The following MAST2 variants were observed in gnomAD, a reference collection of about 807,000 sequenced individuals.
MAST2 encodes microtubule associated serine/threonine kinase 2, also known as microtubule-associated serine/threonine-protein kinase 2.
Under a neutral mutation model 147.4 loss-of-function variants are expected in MAST2, and 70 were observed. That is an observed-to-expected ratio of 0.47 (90% CI 0.39 to 0.58). The LOEUF (loss-of-function observed/expected upper bound fraction) is 0.58, where lower values mean the gene tolerates loss of function less well. Ranked by LOEUF, MAST2 falls within the 20% of genes least tolerant of loss-of-function variation. The pLI is 0.00. For synonymous variants in MAST2, 869 were observed against 896.8 expected, an observed-to-expected ratio of 0.97 and a Z score of 0.55; for missense variants, 2,080 against 2,302.3, an observed-to-expected ratio of 0.90 and a Z score of 1.98.
chr1:45,840,544 C>A (rs184668767), intron 3 of MAST2, among the ~76,000 whole-genome samples: 2 of 152,226 alleles, frequency 1.3e-5, no homozygotes, highest in East Asian at 1.9e-4. Flanking sequence ...TCTTTAAAAT[C>A]AAAATAATAT....
chr1:45,814,279 C>T (rs1000430774), intron 1 of MAST2, among the ~76,000 whole-genome samples: 1 of 151,966 alleles, frequency 6.6e-6, no homozygotes, highest in Non-Finnish European at 1.5e-5. Context: ...CCAGGGAAGG[C>T]ATTGTTACCA....
intron 4 of MAST2, among the ~76,000 whole-genome samples, chr1:45,904,842 C>T (rs888203582): frequency 7.2e-5 from 11 of 151,826 alleles, no homozygotes; most frequent in Non-Finnish European, 4.4e-5. Flanking sequence ...AGGCCTTGCT[C>T]TGTTGCCCAG....
At chr1:45,956,672 AGT>A (rs1441419115) in intron 4 of MAST2, among the ~76,000 whole-genome samples, 1 of 152,246 alleles carries the variant, frequency 6.6e-6, no homozygotes, top group African/African-American at 2.4e-5. Context: ...CTTGCAAATC[AGT>A]GAGTCCTGTT....
intron 5 of MAST2, 90 bp downstream of exon 5, chr1:45,959,567 A>G (rs1660113848): frequency 9.5e-7 from 1 of 1,050,300 alleles, no homozygotes; most frequent in Non-Finnish European, 1.4e-6. Context: ...GCAGTTCCGT[A>G]TATTACATTG....
chr1:45,860,890 G>A (rs906330647), intron 3 of MAST2, among the ~76,000 whole-genome samples: 2 of 151,958 alleles, frequency 1.3e-5, no homozygotes, highest in Non-Finnish European at 2.9e-5. Flanking sequence ...GTTATTTTCA[G>A]CAACCATGTA....
intron 4 of MAST2, chr1:45,913,773 T>C: frequency 9.0e-7 from 1 of 1,113,634 alleles, no homozygotes; most frequent in Non-Finnish European, 1.1e-6. Flanking sequence ...ACCCCTTGTG[T>C]GAGAGAACTT....
chr1:45,884,295 C>T (rs1360436751), intron 4 of MAST2, among the ~76,000 whole-genome samples: 7 of 152,112 alleles, frequency 4.6e-5, no homozygotes, highest in Non-Finnish European at 1.0e-4. Flanking sequence ...CACCTATAGT[C>T]CCAGCACTTT....
intron 19 of MAST2, 22 bp from the exon 20 acceptor site, chr1:46,029,809 C>T (rs770350527): frequency 5.0e-6 from 8 of 1,613,060 alleles, no homozygotes; most frequent in Non-Finnish European, 6.8e-6. Context: ...TACCCCCTTG[C>T]CCATGTCCTC....
chr1:45,959,551 T>A, intron 5 of MAST2, 74 bp downstream of exon 5: 1 of 1,218,264 alleles, frequency 8.2e-7, no homozygotes, highest in East Asian at 2.4e-5. Context: ...CTACTTCTCA[T>A]GTTGTGCAGT....
intron 8 of MAST2, 124 bp from the exon 9 acceptor site, chr1:46,008,172 C>T: frequency 7.5e-6 from 5 of 662,622 alleles, no homozygotes; most frequent in Non-Finnish European, 1.4e-5. Flanking sequence ...AACTCAGTAC[C>T]CGTTAAAGTG....
intron 4 of MAST2, among the ~76,000 whole-genome samples, chr1:45,956,357 C>T (rs571503128): frequency 2.0e-5 from 3 of 152,142 alleles, no homozygotes; most frequent in South Asian, 2.1e-4. Flanking sequence ...ATATCACCAA[C>T]CCTTACTGTG....
At chr1:45,871,955 C>G (rs1348566876) in intron 3 of MAST2, among the ~76,000 whole-genome samples, 1 of 152,150 alleles carries the variant, frequency 6.6e-6, no homozygotes, top group African/African-American at 2.4e-5. Context: ...GTCTCAAACT[C>G]TGGGCTCAAG....
chr1:45,884,444 C>T (rs942544243), intron 4 of MAST2, among the ~76,000 whole-genome samples: 3 of 152,082 alleles, frequency 2.0e-5, no homozygotes, highest in African/African-American at 7.2e-5. Context: ...CCCAGTTACT[C>T]AGGGGGCTGA....
In MAST2 at chr1:45,907,884, G is replaced by A. The variant is rs537905276; in HGVS notation, c.500+25489G>A. On this transcript the variant is annotated intron_variant, in intron 4 of 28. Transcript: ENST00000361297. ...CACATCTATATTAAAGTCAGTTTTGGTAAGTTATTTTTTGAACTTTTTGTC... is the reference window on the plus strand; with the variant it reads ...CACATCTATATTAAAGTCAGTTTTGATAAGTTATTTTTTGAACTTTTTGTC... Among the ~76,000 whole-genome samples, 5 of 152,192 alleles carry A rather than the reference G, an allele frequency of 3.3e-5. No homozygotes were observed. In the East Asian group the frequency reaches 7.7e-4, roughly 24 times the overall value.
chr1:46,034,727 C>G lies in MAST2; in HGVS notation c.4058C>G (p.Pro1353Arg), dbSNP rs753853610. Residue 1353 changes from proline (P) to arginine (R), a missense_variant, in exon 29 of 29, where the codon CCA becomes CGA. This residue lies in a region of MAST2 where 1,278 missense variants were observed against 1,304.2 expected (regional missense o/e 0.98). Transcript: ENST00000361297. ...LSPLAHTPSP[P>R]PPTASPQRSP... ...CCACTGGCCCACACCCCTTCTCCCC[C>G]ACCCCCAACAGCTTCACCTCAGCGG... 1.9e-6 allele frequency: 3 copies of G among 1,614,052 alleles called. No individual in the cohort carries two copies. The highest frequency in any genetic ancestry group is 1.3e-5 in the African/African-American group (1 of 74,934).
intron 19 of MAST2, 97 bp downstream of exon 19, chr1:46,029,664 C>G: frequency 7.3e-7 from 1 of 1,377,844 alleles, no homozygotes; most frequent in Non-Finnish European, 1.0e-6. Context: ...TTACGGGCAG[C>G]CCCTCTGGAT....
intron 3 of MAST2, among the ~76,000 whole-genome samples, chr1:45,871,999 G>T (rs1452995388): frequency 1.3e-5 from 2 of 152,196 alleles, no homozygotes; most frequent in African/African-American, 4.8e-5. Flanking sequence ...AAAGTGTTGG[G>T]ATTACAGGCG....
intron 9 of MAST2, among the ~76,000 whole-genome samples, chr1:46,009,134 A>AC (rs1486506085): frequency 6.6e-6 from 1 of 152,026 alleles, no homozygotes; most frequent in Non-Finnish European, 1.5e-5. Flanking sequence ...GGCTCACTGC[A>AC]CCCTCTGCCT....
intron 3 of MAST2, among the ~76,000 whole-genome samples, chr1:45,844,155 A>C (rs1013404296): frequency 6.6e-6 from 1 of 152,150 alleles, no homozygotes; most frequent in South Asian, 2.1e-4. Context: ...GCTGGAGTGC[A>C]GTGGTGCAAC....
Sources: gnomAD v4.1 joint callset for allele counts (sites outside exome capture counted in the v4.1 genomes callset) on GRCh38, gnomAD v4.1.1 for gene constraint, gnomAD v4.1.1 regional missense constraint, MANE v1.5 for transcripts, NCBI Gene and HGNC (gene_info 2026-07-23, HGNC 2026-07-21) for gene names.